The following HSPA12A variants were observed in gnomAD, a reference collection of about 807,000 sequenced individuals.
HSPA12A encodes heat shock protein family A (Hsp70) member 12A, also known as heat shock 70 kDa protein 12A.
Under a neutral mutation model 69.2 loss-of-function variants are expected in HSPA12A, and 28 were observed. The ratio of observed to expected loss-of-function variants is 0.40; its 90% CI spans 0.30 to 0.55. HSPA12A has a LOEUF of 0.55. Ranked by LOEUF, HSPA12A falls within the 20% of genes least tolerant of loss-of-function variation. The probability of loss-of-function intolerance (pLI) is 0.38; values close to 1 mark genes in which losing one functional copy is unlikely to be tolerated. For missense variants in HSPA12A, 686 were observed against 900.7 expected, an observed-to-expected ratio of 0.76 and a Z score of 3.05; for synonymous variants, 345 against 370.5, an observed-to-expected ratio of 0.93 and a Z score of 0.79.
At chr10:116,733,173 G>C (rs1554886044) in intron 1 of HSPA12A, among the ~76,000 whole-genome samples, 2 of 152,206 alleles carry the variant, frequency 1.3e-5, no homozygotes, top group East Asian at 1.9e-4. Context: ...ACAGACTCCT[G>C]CCTGATGGTT....
At position 116,820,275 on chromosome 10, in the gene HSPA12A, C is replaced by T. The variant is rs544352562; in HGVS notation, c.91+14660G>A. Among the ~76,000 whole-genome samples the T allele has an allele frequency of 1.1e-4, 16 of 152,178 alleles. No individual in the cohort carries two copies. In the South Asian group the frequency reaches 1.9e-3, roughly 18 times the overall value. On this transcript the variant is annotated intron_variant, in intron 2 of 12. Transcript: ENST00000635765. The stretch of plus-strand genomic sequence containing the variant: ...TCTTGAACAGCAACATACTTGTTGA[C>T]GTGAGAGTATCAAAGGGAAAGAGAT...
chr10:116,794,303 C>T (rs1409593170), intron 2 of HSPA12A, among the ~76,000 whole-genome samples: 1 of 152,112 alleles, frequency 6.6e-6, no homozygotes, highest in African/African-American at 2.4e-5. Flanking sequence ...TTAAATCCAA[C>T]TTTTTGCTAT....
intron 6 of HSPA12A, among the ~76,000 whole-genome samples, chr10:116,689,423 T>C (rs1237305593): frequency 6.6e-6 from 1 of 151,948 alleles, no homozygotes; most frequent in Non-Finnish European, 1.5e-5. Context: ...GCACTTTGGG[T>C]AGAAGGGTCA....
At position 116,726,027 on chromosome 10, in the gene HSPA12A, G is replaced by GCGTGCA. The variant is rs140160132; in HGVS notation, c.40+16402_40+16403insTGCACG. On this transcript the variant is annotated intron_variant, in intron 1 of 11. Coordinates refer to ENST00000369209, the MANE Select transcript of HSPA12A (RefSeq NM_025015.3). ...ACAAGGTTTAGACACACACACACACGCACACACACACACACACACACACAC... is the reference window on the plus strand; with the variant it reads ...ACAAGGTTTAGACACACACACACACGCGTGCACACACACACACACACACACACACAC... 5.5e-5 allele frequency among the ~76,000 whole-genome samples: 8 copies of GCGTGCA among 146,114 alleles called. No individual in the cohort carries two copies. The South Asian group carries it at 6.6e-4, about 12-fold the overall frequency.
At chr10:116,756,276 T>C (rs1391486682) in intron 2 of HSPA12A, among the ~76,000 whole-genome samples, 2 of 152,278 alleles carry the variant, frequency 1.3e-5, no homozygotes, top group African/African-American at 2.4e-5. Context: ...ACTCTGGCTC[T>C]CGCCATTTGA....
intron 7 of HSPA12A, chr10:116,683,570 T>C (rs2133371123): frequency 2.6e-6 from 1 of 388,350 alleles, no homozygotes; most frequent in East Asian, 3.7e-5. Context: ...CCCAGACACT[T>C]GGTGGGTGAT....
intron 1 of HSPA12A, among the ~76,000 whole-genome samples, chr10:116,708,770 A>G (rs1365157334): frequency 6.6e-6 from 1 of 152,236 alleles, no homozygotes; most frequent in African/African-American, 2.4e-5. Context: ...CAAAAGATAT[A>G]TCAACAAGTA....
chr10:116,771,044 G>A (rs1554890430), intron 2 of HSPA12A, among the ~76,000 whole-genome samples: 1 of 151,932 alleles, frequency 6.6e-6, no homozygotes. Flanking sequence ...TGCAGGGTTG[G>A]GGTGGGGCAT....
chr10:116,679,967 TCTTTA>T (rs1431022183), intron 9 of HSPA12A, among the ~76,000 whole-genome samples: 6 of 152,170 alleles, frequency 3.9e-5, no homozygotes, highest in Non-Finnish European at 5.9e-5. Context: ...TTGTCAACAA[TCTTTA>T]CTTTATTATT....
In HSPA12A at chr10:116,675,202, G is replaced by A. The variant is rs1554877430; in HGVS notation, c.1607C>T (p.Thr536Ile). Residue 536 changes from threonine (T) to isoleucine (I), a missense_variant, in exon 12 of 12, where the codon ACC becomes ATC. Thr to Ile is a moderately conservative substitution (Grantham distance 89). Transcript: ENST00000369209. The surrounding 1 kb of genome is among the most constrained non-coding windows in gnomAD (Gnocchi z 5.2). Reference protein sequence around the residue: ...AVIKVRRSPLTYGVGVLNRYV... With the variant: ...AVIKVRRSPLIYGVGVLNRYV... ...GCGGTTCAGCACGCCTACCCCGTAG[G>A]TGAGCGGCGACCGGCGCACCTTGAT... 2 of 1,613,762 alleles carry A rather than the reference G, an allele frequency of 1.2e-6. No homozygotes were observed. Among genetic ancestry groups the A allele is most frequent in the South Asian group, 1.1e-5 (1 of 91,076 alleles).
In HSPA12A at chr10:116,672,317, C is replaced by G. The variant is rs1166941864; in HGVS notation, c.*2464G>C. ...GACACAAAGGGTTTCTTAGGTTGTT[C>G]TGCGCAGTCACATGGCTTCCAGAAC... is the stretch of plus-strand genomic sequence containing the variant. On this transcript the variant is annotated 3_prime_UTR_variant, in exon 12 of 12. Coordinates refer to ENST00000369209, the MANE Select transcript of HSPA12A (RefSeq NM_025015.3). 1 of 152,200 alleles carries G rather than the reference C, an allele frequency of 6.6e-6. No individual in the cohort carries two copies. The highest frequency in any genetic ancestry group is 2.4e-5 in the African/African-American group (1 of 41,454). The allele number at this position is 152,200 out of a possible 1,614,324, so 9.4% of individuals were successfully genotyped here.
chr10:116,788,889 A>G (rs1356284776), intron 2 of HSPA12A, among the ~76,000 whole-genome samples: 1 of 143,826 alleles, frequency 7.0e-6, no homozygotes, highest in East Asian at 2.0e-4. Flanking sequence ...TTTTTGAGAC[A>G]GAGTTTTGCT....
chr10:116,850,070 A>G (rs72831655), upstream of HSPA12A: 2,236 of 462,640 alleles, frequency 4.8e-3, 14 homozygotes, highest in Middle Eastern at 9.0e-3. Context: ...ATGCTTGCCA[A>G]TTGTCATTTT....
intron 2 of HSPA12A, among the ~76,000 whole-genome samples, chr10:116,752,045 CA>C (rs1554888405): frequency 2.0e-5 from 3 of 152,218 alleles, no homozygotes; most frequent in Non-Finnish European, 4.4e-5. Context: ...TATAGCAACA[CA>C]AAAATGGACC....
chr10:116,824,186 C>A (rs1309291575), intron 2 of HSPA12A, among the ~76,000 whole-genome samples: 1 of 152,024 alleles, frequency 6.6e-6, no homozygotes, highest in Non-Finnish European at 1.5e-5. Flanking sequence ...AGTGAAATGC[C>A]AATCAAAACA....
intron 1 of HSPA12A, among the ~76,000 whole-genome samples, chr10:116,720,443 G>A (rs566131226): frequency 5.3e-5 from 8 of 152,314 alleles, no homozygotes; most frequent in South Asian, 4.1e-4. Context: ...GCACAGGGCC[G>A]GGGCAGCGCC....
intron 1 of HSPA12A, among the ~76,000 whole-genome samples, chr10:116,711,012 T>A (rs894360103): frequency 1.3e-5 from 1 of 77,450 alleles, no homozygotes; most frequent in African/African-American, 3.9e-5. Context: ...TGATCAGAAA[T>A]AAAATACAGA....
chr10:116,734,470 A>G (rs79514562), intron 1 of HSPA12A, among the ~76,000 whole-genome samples: 2,934 of 150,342 alleles, frequency 0.02, 94 homozygotes, highest in African/African-American at 0.068. Flanking sequence ...AAAAAAAAGC[A>G]AAACCCATCC....
chr10:116,675,254 C>T lies in HSPA12A; in HGVS notation c.1555G>A (p.Val519Ile), dbSNP rs566065107. The part of the protein sequence containing the change: ...DVGLTILKGA[V>I]LFGLDPAVIK... ...ACCGCGGGGTCCAGGCCAAAGAGGA[C>T]GGCACCCTTGAGGATGGTGAGGCCC... is the stretch of plus-strand genomic sequence containing the variant. Residue 519 changes from valine to isoleucine, a missense_variant, in exon 12 of 12, where the codon GTC becomes ATC. Physicochemically the swap from Val to Ile is conservative, Grantham distance 29. Coordinates refer to ENST00000369209, the MANE Select transcript of HSPA12A (RefSeq NM_025015.3). This position sits in a 1 kb window ranked among gnomAD's most constrained non-coding sequence, Gnocchi z 5.2. The T allele has an allele frequency of 7.4e-6, 12 of 1,613,676 alleles. No homozygotes were observed. The highest frequency in any genetic ancestry group is 2.2e-5 in the South Asian group (2 of 91,066).
Sources: gnomAD v4.1 joint callset for allele counts (sites outside exome capture counted in the v4.1 genomes callset) on GRCh38, gnomAD v4.1.1 for gene constraint, Gnocchi (gnomAD v3.1) non-coding constraint, MANE v1.5 for transcripts, NCBI Gene and HGNC (gene_info 2026-07-23, HGNC 2026-07-21) for gene names.